Variants in UGT1A10 observed in about 807,000 individuals in gnomAD.
UGT1A10 encodes the protein UDP-glucuronosyltransferase 1A10.
In UGT1A10, 49 loss-of-function variants were observed where a neutral mutation model predicts 45.8. The ratio of observed to expected loss-of-function variants is 1.07; its 90% CI spans 0.85 to 1.36. UGT1A10 has a LOEUF of 1.36. Among genes scored for constraint, UGT1A10 ranks in the 40% most tolerant of loss-of-function variants. UGT1A10 has a pLI of 0.00. For synonymous variants in UGT1A10, 284 were observed against 249.7 expected, an observed-to-expected ratio of 1.14 and a Z score of -1.29; for missense variants, 745 against 668.6, an observed-to-expected ratio of 1.11 and a Z score of -1.26.
intron 1 of UGT1A10, among the ~76,000 whole-genome samples, chr2:233,678,536 T>C (rs1432023889): frequency 1.3e-5 from 2 of 152,204 alleles, no homozygotes; most frequent in African/African-American, 2.4e-5. Flanking sequence ...TTCTCTTTGA[T>C]GTATTTAAAA....
chr2:233,716,723 A>T (rs2076521930), intron 1 of UGT1A10, among the ~76,000 whole-genome samples: 1 of 152,160 alleles, frequency 6.6e-6, no homozygotes, highest in African/African-American at 2.4e-5. Context: ...GTTCCAGTTT[A>T]TATGTTTAGC....
At chr2:233,651,773 G>A (rs2073746950) in intron 1 of UGT1A10, among the ~76,000 whole-genome samples, 1 of 152,198 alleles carries the variant, frequency 6.6e-6, no homozygotes, top group Admixed American at 6.5e-5. Flanking sequence ...GATGGAGTGT[G>A]CATCTGTGCC....
chr2:233,757,985 C>T (rs925292779), intron 1 of UGT1A10, among the ~76,000 whole-genome samples: 4 of 152,150 alleles, frequency 2.6e-5, no homozygotes, highest in African/African-American at 7.2e-5. Context: ...AGAGCACCAT[C>T]CCCTGTAATT....
Position 233,767,165 on chromosome 2 carries a change from A to G in UGT1A10, c.987A>G (p.Thr329=). 2.5e-6 allele frequency: 4 copies of G among 1,614,130 alleles called. No individual in the cohort carries two copies. Among genetic ancestry groups the G allele is most frequent in the Non-Finnish European group, 3.4e-6 (4 of 1,180,004 alleles). ...IADALGKIPQ[T]VLWRYTGTRP... is the part of the protein sequence containing the mutation. ...ATGCTTTGGGCAAAATCCCTCAGAC[A>G]GTAAGAAGATTCTATACCATGGCCT... The change falls in exon 2 of 5, where the codon ACA becomes ACG. Residue 329 remains threonine (T), a splice_region_variant and synonymous_variant. Transcript: ENST00000344644.
chr2:233,671,381 T>C (rs1410186086), intron 1 of UGT1A10, among the ~76,000 whole-genome samples: 1 of 152,130 alleles, frequency 6.6e-6, no homozygotes, highest in Non-Finnish European at 1.5e-5. Context: ...TTCTCAGGGT[T>C]TGGAAATGGA....
chr2:233,732,056 T>C (rs1452180341), intron 1 of UGT1A10, among the ~76,000 whole-genome samples: 3 of 152,242 alleles, frequency 2.0e-5, no homozygotes, highest in Admixed American at 6.5e-5. Context: ...CATTTATTCA[T>C]GTGTCTGTTG....
intron 1 of UGT1A10, chr2:233,747,281 A>C: frequency 6.3e-7 from 1 of 1,599,850 alleles, no homozygotes; most frequent in Non-Finnish European, 8.5e-7. Context: ...CTCAGTGCCC[A>C]GCCCTGGGCT....
intron 1 of UGT1A10, among the ~76,000 whole-genome samples, chr2:233,660,701 G>A (rs142779756): frequency 8.5e-5 from 13 of 152,178 alleles, no homozygotes; most frequent in African/African-American, 3.1e-4. Flanking sequence ...TTAAATCCTC[G>A]TGCCCGCTTC....
chr2:233,745,526 T>C (rs1383340744), intron 1 of UGT1A10, among the ~76,000 whole-genome samples: 1 of 151,838 alleles, frequency 6.6e-6, no homozygotes, highest in Admixed American at 6.5e-5. Flanking sequence ...CTAATGGGGA[T>C]GTGTTATGTC....
chr2:233,672,744 C>T (rs771524221), intron 1 of UGT1A10: 4 of 1,613,906 alleles, frequency 2.5e-6, no homozygotes, highest in South Asian at 2.2e-5. Context: ...CCAACATGAT[C>T]TTCATTGGTG....
rs536726765 is a variant in UGT1A10, at chr2:233,724,607, C to T, written c.856-42427C>T. 5.2e-5 allele frequency among the ~76,000 whole-genome samples: 7 copies of T among 135,444 alleles called. 1 individual carries two copies. Among genetic ancestry groups the T allele is most frequent in the African/African-American group, 1.2e-4 (4 of 34,508 alleles). The allele number at this position is 135,444 out of a possible 152,430, so 88.9% of individuals were successfully genotyped here. On this transcript the variant is annotated intron_variant, in intron 1 of 4. Coordinates refer to ENST00000344644, the MANE Select transcript of UGT1A10 (RefSeq NM_019075.4). ...CCCCACATCTCAGACGATGGGCGGC[C>T]GGGCAGAGACGCTCCTCACTTCCTA...
intron 1 of UGT1A10, among the ~76,000 whole-genome samples, chr2:233,763,956 G>A (rs1159458395): frequency 1.3e-5 from 2 of 152,194 alleles, no homozygotes; most frequent in Admixed American, 1.3e-4. Context: ...GAGCAGGGAA[G>A]GTTGAGATAT....
At chr2:233,677,987 TA>T (rs1292302643) in intron 1 of UGT1A10, among the ~76,000 whole-genome samples, 2 of 152,002 alleles carry the variant, frequency 1.3e-5, no homozygotes, top group East Asian at 3.8e-4. Flanking sequence ...TATGCAGCCA[TA>T]AAAAAAGAAT....
intron 1 of UGT1A10, among the ~76,000 whole-genome samples, chr2:233,735,381 C>G (rs1160790318): frequency 6.6e-6 from 1 of 152,068 alleles, no homozygotes; most frequent in Non-Finnish European, 1.5e-5. Context: ...TCCTCCATCC[C>G]TTTATTTTGA....
At chr2:233,724,564 C>T (rs1389770711) in intron 1 of UGT1A10, among the ~76,000 whole-genome samples, 17 of 122,772 alleles carry the variant, frequency 1.4e-4, no homozygotes, top group African/African-American at 2.4e-4. Flanking sequence ...CCAGATGGGG[C>T]GGCGGGGCAG....
chr2:233,730,676 G>A (rs992783530), intron 1 of UGT1A10, among the ~76,000 whole-genome samples: 4 of 152,128 alleles, frequency 2.6e-5, no homozygotes, highest in Non-Finnish European at 4.4e-5. Flanking sequence ...CAAAGTAATG[G>A]TTGCATCTCA....
chr2:233,687,516 A>G (rs1431513640), intron 1 of UGT1A10, among the ~76,000 whole-genome samples: 2 of 144,632 alleles, frequency 1.4e-5, no homozygotes, highest in Non-Finnish European at 3.0e-5. Context: ...AGAGGGGTTG[A>G]GTGACTTGCC....
chr2:233,661,488 T>A (rs1325304911), intron 1 of UGT1A10, among the ~76,000 whole-genome samples: 2 of 152,182 alleles, frequency 1.3e-5, no homozygotes, highest in Non-Finnish European at 2.9e-5. Flanking sequence ...ACTCTTTGAA[T>A]ATCCTTCTTT....
intron 1 of UGT1A10, among the ~76,000 whole-genome samples, chr2:233,762,377 A>T (rs182919265): frequency 5.6e-4 from 86 of 152,370 alleles, no homozygotes; most frequent in African/African-American, 2.0e-3. Context: ...ACCAATATGT[A>T]TATAGAAACA....
Sources: gnomAD v4.1 joint callset for allele counts (sites outside exome capture counted in the v4.1 genomes callset) on GRCh38, gnomAD v4.1.1 for gene constraint, MANE v1.5 for transcripts, NCBI Gene and HGNC (gene_info 2026-07-23, HGNC 2026-07-21) for gene names.